The following USP13 variants were observed in gnomAD, a reference collection of about 807,000 sequenced individuals.
USP13 encodes ubiquitin specific peptidase 13, also known as ubiquitin carboxyl-terminal hydrolase 13.
USP13 carries 68 observed loss-of-function variants against 107.8 expected under a neutral mutation model. The ratio of observed to expected loss-of-function variants is 0.63; its 90% CI spans 0.52 to 0.77. The LOEUF (loss-of-function observed/expected upper bound fraction) is 0.77, where lower values mean the gene tolerates loss of function less well. Ranked by LOEUF, USP13 falls within the 30% of genes least tolerant of loss-of-function variation. USP13 has a pLI of 0.00. For missense variants in USP13, 945 were observed against 1,093.3 expected (o/e 0.86, Z 1.91); for synonymous variants, 377 against 389.5 (o/e 0.97, Z 0.38).
intron 1 of USP13, among the ~76,000 whole-genome samples, chr3:179,667,051 C>T (rs2108439486): frequency 6.6e-6 from 1 of 152,356 alleles, no homozygotes; most frequent in East Asian, 1.9e-4. Context: ...TTGCTGTCCT[C>T]TCTGGAACTC....
rs1222891261 is a variant in USP13 at position 179,787,512 on chromosome 3, C to T, written c.*3371C>T. 6.6e-6 allele frequency: 1 copy of T among 152,216 alleles called. No individual in the cohort carries two copies. Among genetic ancestry groups the T allele is most frequent in the Non-Finnish European group, 1.5e-5 (1 of 68,048 alleles). The allele number at this position is 152,216 out of a possible 1,614,324, so 9.4% of individuals were successfully genotyped here. On this transcript the variant is annotated 3_prime_UTR_variant, in exon 21 of 21. Transcript: ENST00000263966. ...TTTTTGCATTGTTACAGCTTATACT[C>T]CCCAGTTGAGGACCTGTGTCATTCT...
chr3:179,670,625 C>T (rs1415569498), intron 1 of USP13, among the ~76,000 whole-genome samples: 3 of 152,140 alleles, frequency 2.0e-5, no homozygotes, highest in African/African-American at 7.2e-5. Context: ...CTACAAATCT[C>T]AAGATATTCT....
At chr3:179,655,231 T>G (rs566958853) in intron 1 of USP13, among the ~76,000 whole-genome samples, 47 of 152,320 alleles carry the variant, frequency 3.1e-4, no homozygotes, top group African/African-American at 1.1e-3. Flanking sequence ...CAAGTTCTGC[T>G]TACAAACTTT....
At chr3:179,727,956 G>A (rs1713606001) in intron 8 of USP13, among the ~76,000 whole-genome samples, 1 of 64,866 alleles carries the variant, frequency 1.5e-5, no homozygotes, top group African/African-American at 4.0e-5. Context: ...CGGACGAGGC[G>A]GCTGGCTGGG....
chr3:179,760,033 C>T (rs189455936), intron 16 of USP13, among the ~76,000 whole-genome samples: 3 of 152,250 alleles, frequency 2.0e-5, no homozygotes, highest in Admixed American at 1.3e-4. Flanking sequence ...CGGTTCTTTT[C>T]CTGATTGACA....
intron 10 of USP13, among the ~76,000 whole-genome samples, chr3:179,733,208 A>G (rs1245135536): frequency 6.6e-6 from 1 of 152,120 alleles, no homozygotes; most frequent in African/African-American, 2.4e-5. Context: ...GCCACGATCT[A>G]GTGGTCTTGA....
chr3:179,726,741 A>G (rs1406830177), intron 8 of USP13, among the ~76,000 whole-genome samples: 2 of 151,914 alleles, frequency 1.3e-5, no homozygotes, highest in Non-Finnish European at 2.9e-5. Flanking sequence ...GCAGTGGTAC[A>G]ATCACGGCTC....
chr3:179,683,621 A>C (rs931086906), intron 2 of USP13, among the ~76,000 whole-genome samples: 1 of 152,194 alleles, frequency 6.6e-6, no homozygotes, highest in Non-Finnish European at 1.5e-5. Flanking sequence ...CTCGTTCACT[A>C]TCATGAGAAC....
At chr3:179,708,571 C>T (rs1350096362) in intron 5 of USP13, among the ~76,000 whole-genome samples, 1 of 152,180 alleles carries the variant, frequency 6.6e-6, no homozygotes, top group Non-Finnish European at 1.5e-5. Context: ...CCGCCTCGGC[C>T]TCCCAAAGTG....
chr3:179,774,733 G>T (rs1207828256), intron 19 of USP13, among the ~76,000 whole-genome samples: 2 of 152,172 alleles, frequency 1.3e-5, no homozygotes, highest in South Asian at 2.1e-4. Flanking sequence ...GCCACTGCTG[G>T]CTCGGGCAGC....
chr3:179,683,096 T>G (rs1711727090), intron 2 of USP13, among the ~76,000 whole-genome samples: 1 of 151,982 alleles, frequency 6.6e-6, no homozygotes. Flanking sequence ...TATTTATATT[T>G]TTGGCCTATT....
In USP13 at chr3:179,742,396, G is replaced by C. The variant is rs768126585; in HGVS notation, c.1534+46G>C. ...AATTGGTACTGTGTGTCTTCATATG[G>C]GAAAACCCTCAAATCAGAGAGAATG... On this transcript the variant is annotated intron_variant, in intron 12 of 20. Transcript: ENST00000263966. This position sits in a 1 kb window ranked among gnomAD's most constrained non-coding sequence, Gnocchi z 5.0. 11 of 1,609,722 alleles carry C rather than the reference G, an allele frequency of 6.8e-6. No homozygotes were observed. The South Asian group carries it at 1.2e-4, about 18-fold the overall frequency.
In USP13 at chr3:179,742,098, A is replaced by G. The variant is rs1714220670; in HGVS notation, c.1381-99A>G. ...GGCATGGCCAGAGGAAATGTTTAAT[A>G]AAGCCAAGTGTTTACACCGGGTTTA... On this transcript the variant is annotated intron_variant, in intron 11 of 20. Transcript: ENST00000263966. This position sits in a 1 kb window ranked among gnomAD's most constrained non-coding sequence, Gnocchi z 5.0. The G allele has an allele frequency of 4.1e-6, 6 of 1,454,184 alleles. No homozygotes were observed. Among genetic ancestry groups the G allele is most frequent in the Non-Finnish European group, 4.7e-6 (5 of 1,065,414 alleles). 90.1% of individuals were successfully genotyped at this position (1,454,184 alleles called of 1,614,324 possible). A position where few individuals can be genotyped will look rare whatever the true frequency, so the allele number is the denominator to read the frequency against.
chr3:179,775,920 A>G (rs1423806220), intron 19 of USP13, among the ~76,000 whole-genome samples: 2 of 152,174 alleles, frequency 1.3e-5, no homozygotes, highest in Non-Finnish European at 2.9e-5. Context: ...CAGCCAGCCC[A>G]GAGAGGGGCT....
intron 10 of USP13, among the ~76,000 whole-genome samples, chr3:179,731,634 C>A (rs77526348): frequency 6.6e-6 from 1 of 152,118 alleles, no homozygotes. Flanking sequence ...TCCACTGGAC[C>A]CTCCCTATGC....
chr3:179,698,178 A>T (rs1401319144), intron 3 of USP13, among the ~76,000 whole-genome samples: 2 of 152,180 alleles, frequency 1.3e-5, no homozygotes, highest in Non-Finnish European at 2.9e-5. Context: ...TTTGAAGGTG[A>T]TAACTTCTGA....
chr3:179,744,900 G>A, intron 12 of USP13, 143 bp from the exon 13 acceptor site: 1 of 915,490 alleles, frequency 1.1e-6, no homozygotes, highest in Non-Finnish European at 1.6e-6. Flanking sequence ...CTTTCAGCAG[G>A]GGCATCTGGC....
intron 14 of USP13, 83 bp downstream of exon 14, chr3:179,752,456 G>T: frequency 9.9e-7 from 1 of 1,013,164 alleles, no homozygotes; most frequent in Non-Finnish European, 1.6e-6. Context: ...CCATGTAGTT[G>T]GCTGCCACAA....
At chr3:179,747,871 T>C (rs79739871) in intron 13 of USP13, among the ~76,000 whole-genome samples, 5,150 of 152,324 alleles carry the variant, frequency 0.034, 296 homozygotes, top group African/African-American at 0.12. Flanking sequence ...TTCTGCTTCC[T>C]ATAGTTCTTA....
Sources: gnomAD v4.1 joint callset for allele counts (sites outside exome capture counted in the v4.1 genomes callset) on GRCh38, gnomAD v4.1.1 for gene constraint, Gnocchi (gnomAD v3.1) non-coding constraint, MANE v1.5 for transcripts, NCBI Gene and HGNC (gene_info 2026-07-23, HGNC 2026-07-21) for gene names.